C2orf69: variants seen among roughly 807,000 people sequenced by gnomAD.
C2orf69 encodes the protein mitochondrial protein C2orf69.
Under a neutral mutation model 29.5 loss-of-function variants are expected in C2orf69, and 19 were observed. The observed-to-expected ratio is 0.65, with a 90% CI of 0.45 to 0.95. The LOEUF (loss-of-function observed/expected upper bound fraction) is 0.95. C2orf69 is among the 40% of genes least tolerant of loss of function. C2orf69 has a pLI of 0.00. For missense variants in C2orf69, 416 were observed against 482.1 expected, an observed-to-expected ratio of 0.86 and a Z score of 1.28; for synonymous variants, 194 against 180.0, an observed-to-expected ratio of 1.08 and a Z score of -0.62.
intron 1 of C2orf69, among the ~76,000 whole-genome samples, chr2:199,913,093 T>C (rs572505298): frequency 6.9e-4 from 85 of 122,660 alleles, no homozygotes; most frequent in African/African-American, 2.5e-3. Flanking sequence ...TCTTTTTTTT[T>C]CCAGTTTTTA....
chr2:199,911,345 C>A lies in C2orf69; in HGVS notation c.-94C>A, dbSNP rs1051105559. On this transcript the variant is annotated 5_prime_UTR_variant, in exon 1 of 2. Coordinates refer to ENST00000319974, the MANE Select transcript of C2orf69 (RefSeq NM_153689.6). The stretch of plus-strand genomic sequence containing the variant: ...TCCCGGCCGGGCCGCGGCCGCCGAC[C>A]GTTGAGCCGCCGGCTGAGCCGCCTG... 2 of 1,356,478 alleles carry A rather than the reference C, an allele frequency of 1.5e-6. No homozygotes were observed. Among genetic ancestry groups the A allele is most frequent in the Non-Finnish European group, 1.9e-6 (2 of 1,057,078 alleles). 84.0% of individuals were successfully genotyped at this position (1,356,478 alleles called of 1,614,324 possible). A position where few individuals can be genotyped will look rare whatever the true frequency, so the allele number is the denominator to read the frequency against.
At chr2:199,919,693 CA>C (rs1281414076) in intron 1 of C2orf69, among the ~76,000 whole-genome samples, 6 of 152,304 alleles carry the variant, frequency 3.9e-5, no homozygotes, top group Admixed American at 3.9e-4. Flanking sequence ...ATCCTTTTAT[CA>C]AGAACCATTA....
Position 199,924,136 on chromosome 2 carries a change from G to A in C2orf69, c.334-926G>A, listed in dbSNP as rs79676765. Among the ~76,000 whole-genome samples, 491 of 152,272 alleles carry A rather than the reference G, an allele frequency of 3.2e-3. 23 individuals carry two copies. In the East Asian group the frequency reaches 0.081, roughly 25 times the overall value. On this transcript the variant is annotated intron_variant, in intron 1 of 1. Coordinates refer to ENST00000319974, the MANE Select transcript of C2orf69 (RefSeq NM_153689.6). Reference sequence around the variant, plus strand: ...CAAAAGGGCAAAGGAGGCTGGGTATGGTGACTCATGCCTATAATACCAATA... The same window carrying A: ...CAAAAGGGCAAAGGAGGCTGGGTATAGTGACTCATGCCTATAATACCAATA...
intron 1 of C2orf69, among the ~76,000 whole-genome samples, chr2:199,920,819 G>A (rs1233121126): frequency 6.6e-6 from 1 of 150,798 alleles, no homozygotes; most frequent in Non-Finnish European, 1.5e-5. Flanking sequence ...AGCCGGGCAT[G>A]GTGGCGCGCG....
chr2:199,922,031 T>TATATATATATATATATA (rs1553566021), intron 1 of C2orf69, among the ~76,000 whole-genome samples: 64 of 78,958 alleles, frequency 8.1e-4, no homozygotes, highest in African/African-American at 2.1e-3. Flanking sequence ...ACTGTTATTT[T>TATATATATATATATATA]TATATATATA....
chr2:199,912,843 G>A (rs1462660893), intron 1 of C2orf69, among the ~76,000 whole-genome samples: 1 of 152,004 alleles, frequency 6.6e-6, no homozygotes, highest in Non-Finnish European at 1.5e-5. Context: ...GTTCCACCAT[G>A]TTGGACAGGC....
At chr2:199,913,250 T>TTATAATA (rs1559292217) in intron 1 of C2orf69, among the ~76,000 whole-genome samples, 2 of 84,780 alleles carry the variant, frequency 2.4e-5, no homozygotes, top group African/African-American at 9.6e-5. Flanking sequence ...ATAATATATA[T>TTATAATA]TATATAAAAT....
rs188505931 is a variant in C2orf69 at position 199,920,506 on chromosome 2, A to T, written c.334-4556A>T. Among the ~76,000 whole-genome samples, 465 of 152,262 alleles carry T rather than the reference A, an allele frequency of 3.1e-3. 1 individual carries two copies. The highest frequency in any genetic ancestry group is 3.7e-3 in the Admixed American group (56 of 15,300). On this transcript the variant is annotated intron_variant, in intron 1 of 1. Transcript: ENST00000319974. ...ATTTTGGCTCATTAACTAAATAAAT[A>T]TATAAATAACTGTAGTTTCCAGGAC...
Position 199,911,358 on chromosome 2 carries a change from G to A in C2orf69, c.-81G>A. On this transcript the variant is annotated 5_prime_UTR_variant, in exon 1 of 2. Coordinates refer to ENST00000319974, the MANE Select transcript of C2orf69 (RefSeq NM_153689.6). ...GCGGCCGCCGACCGTTGAGCCGCCG[G>A]CTGAGCCGCCTGCTGAAGTCCCTCC... The A allele has an allele frequency of 7.3e-7, 1 of 1,370,048 alleles. No homozygotes were observed. Among genetic ancestry groups the A allele is most frequent in the Non-Finnish European group, 9.4e-7 (1 of 1,067,426 alleles). 84.9% of individuals were successfully genotyped at this position (1,370,048 alleles called of 1,614,324 possible).
intron 1 of C2orf69, among the ~76,000 whole-genome samples, chr2:199,912,531 G>A (rs912278837): frequency 6.6e-6 from 1 of 152,154 alleles, no homozygotes; most frequent in African/African-American, 2.4e-5. Context: ...GCTACAGATG[G>A]CTTGCGTGTG....
At chr2:199,924,672 G>A (rs1273160523) in intron 1 of C2orf69, among the ~76,000 whole-genome samples, 2 of 152,260 alleles carry the variant, frequency 1.3e-5, no homozygotes, top group African/African-American at 4.8e-5. Flanking sequence ...TTAAGATTCT[G>A]TGTTGGTCAA....
At chr2:199,919,306 CTTTG>C (rs2077305151) in intron 1 of C2orf69, among the ~76,000 whole-genome samples, 6 of 152,198 alleles carry the variant, frequency 3.9e-5, no homozygotes, top group Admixed American at 1.3e-4. Flanking sequence ...TGGATATATA[CTTTG>C]TTTATCCATT....
intron 1 of C2orf69, among the ~76,000 whole-genome samples, chr2:199,923,649 A>G (rs1465924989): frequency 6.6e-6 from 1 of 152,222 alleles, no homozygotes; most frequent in African/African-American, 2.4e-5. Context: ...GAAGGAAAAA[A>G]GAATGTTAAG....
At chr2:199,923,150 A>G (rs912897560) in intron 1 of C2orf69, among the ~76,000 whole-genome samples, 10 of 152,030 alleles carry the variant, frequency 6.6e-5, no homozygotes, top group Non-Finnish European at 5.9e-5. Flanking sequence ...TCAAACTATC[A>G]CTTTATTGGA....
chr2:199,913,491 A>C (rs929201714), intron 1 of C2orf69, among the ~76,000 whole-genome samples: 1,237 of 88,928 alleles, frequency 0.014, 57 homozygotes, highest in East Asian at 0.11. Context: ...AATATATATT[A>C]TATTATATAA....
chr2:199,912,141 T>C (rs1295949686), intron 1 of C2orf69, among the ~76,000 whole-genome samples: 1 of 152,218 alleles, frequency 6.6e-6, no homozygotes, highest in Non-Finnish European at 1.5e-5. Flanking sequence ...GACAGAGCGA[T>C]GGCTTTCAAA....
intron 1 of C2orf69, among the ~76,000 whole-genome samples, chr2:199,924,821 A>T (rs539469391): frequency 2.0e-5 from 3 of 152,254 alleles, no homozygotes; most frequent in African/African-American, 7.2e-5. Flanking sequence ...TTACTGTTTC[A>T]TGTAGGTATA....
chr2:199,925,936 T>G lies in C2orf69; in HGVS notation c.*50T>G, dbSNP rs2077333651. 2.4e-6 allele frequency: 3 copies of G among 1,239,654 alleles called. No homozygotes were observed. The South Asian group carries it at 4.2e-5, about 17-fold the overall frequency. 76.8% of individuals were successfully genotyped at this position (1,239,654 alleles called of 1,614,324 possible). A position where few individuals can be genotyped will look rare whatever the true frequency, so the allele number is the denominator to read the frequency against. On this transcript the variant is annotated 3_prime_UTR_variant, in exon 2 of 2. Transcript: ENST00000319974. This position sits in a 1 kb window ranked among gnomAD's most constrained non-coding sequence, Gnocchi z 4.9. ...GTTCAGTGGAAGAACATAAGCACTTTTGAGTGTTATAAATTCAGATAATGG... is the reference window on the plus strand; with the variant it reads ...GTTCAGTGGAAGAACATAAGCACTTGTGAGTGTTATAAATTCAGATAATGG...
intron 1 of C2orf69, among the ~76,000 whole-genome samples, 157 bp downstream of exon 1, chr2:199,911,928 A>G (rs1264681396): frequency 1.3e-5 from 2 of 152,080 alleles, no homozygotes; most frequent in African/African-American, 2.4e-5. Flanking sequence ...ACGAAATCCA[A>G]AACCGTGCCT....
Sources: allele counts gnomAD v4.1 joint callset (sites outside exome capture counted in the v4.1 genomes callset), GRCh38; gene constraint gnomAD v4.1.1; non-coding constraint Gnocchi (gnomAD v3.1); transcripts MANE v1.5; gene names NCBI Gene and HGNC (gene_info 2026-07-23, HGNC 2026-07-21).